FARP2: variants seen among roughly 807,000 people sequenced by gnomAD.
FARP2 encodes the protein FERM, ARHGEF and pleckstrin domain-containing protein 2.
Under a neutral mutation model 130.5 loss-of-function variants are expected in FARP2, and 111 were observed. The observed-to-expected ratio is 0.85, with a 90% CI of 0.73 to 1.00. The LOEUF (loss-of-function observed/expected upper bound fraction) is 1.00. FARP2 is among the 50% of genes least tolerant of loss of function. The pLI is 0.00. For missense variants in FARP2, 1,385 were observed against 1,346.3 expected (o/e 1.03, Z -0.45); for synonymous variants, 504 against 516.9 (o/e 0.98, Z 0.34).
At chr2:241,407,501 G>A (rs765979336) in intron 4 of FARP2, 36 bp from the exon 5 acceptor site, 21 of 1,429,370 alleles carry the variant, frequency 1.5e-5, no homozygotes, top group African/African-American at 7.0e-5. Flanking sequence ...TGCAAAGATC[G>A]GCCTTATTTG....
intron 5 of FARP2, among the ~76,000 whole-genome samples, chr2:241,410,101 C>T (rs1044638369): frequency 3.3e-5 from 5 of 152,196 alleles, no homozygotes; most frequent in Non-Finnish European, 4.4e-5. Flanking sequence ...GAACGTAATT[C>T]ACGCTCAGTA....
rs532568713 is a variant in FARP2, at chr2:241,490,044, G to GGTAA, written c.2504+2_2504+5dup. The GGTAA allele has an allele frequency of 1.6e-5, 26 of 1,611,444 alleles. No individual in the cohort carries two copies. The East Asian group carries it at 5.6e-4, about 35-fold the overall frequency. Reference sequence around the variant, plus strand: ...CAGAAAACAATCGTGGTGGCAGCCAGGTAAGGGTCTTCCATGTCTCCATCC... The same window carrying GGTAA: ...CAGAAAACAATCGTGGTGGCAGCCAGGTAAGTAAGGGTCTTCCATGTCTCCATCC... On this transcript the variant is annotated stop_gained and frameshift_variant and splice_region_variant. Transcript: ENST00000264042. LOFTEE classifies it high-confidence loss of function.
chr2:241,491,450 G>T, intron 23 of FARP2, 66 bp from the exon 24 acceptor site: 4 of 1,573,760 alleles, frequency 2.5e-6, no homozygotes, highest in East Asian at 2.2e-5. Context: ...AACCCAAGGG[G>T]TGGAAGTATT....
At chr2:241,436,201 G>A (rs995498316) in intron 11 of FARP2, among the ~76,000 whole-genome samples, 1 of 151,762 alleles carries the variant, frequency 6.6e-6, no homozygotes, top group Non-Finnish European at 1.5e-5. Flanking sequence ...GAGCCACTGC[G>A]CCCGGCCTAT....
At chr2:241,418,736 G>A (rs1227065758) in intron 8 of FARP2, among the ~76,000 whole-genome samples, 1 of 152,200 alleles carries the variant, frequency 6.6e-6, no homozygotes. Context: ...GCTGGGGTTT[G>A]TGATGTCCAA....
chr2:241,409,994 G>A (rs1399395784), intron 5 of FARP2, among the ~76,000 whole-genome samples: 1 of 152,158 alleles, frequency 6.6e-6, no homozygotes, highest in Admixed American at 6.5e-5. Flanking sequence ...AGAGAATGTG[G>A]TAAATTTTAA....
chr2:241,484,138 C>T (rs1294799262), intron 20 of FARP2, 104 bp from the exon 21 acceptor site: 1 of 1,549,644 alleles, frequency 6.5e-7, no homozygotes, highest in Non-Finnish European at 8.7e-7. Flanking sequence ...CAGCAAGCTG[C>T]ACAGATCTGA....
chr2:241,418,110 G>A lies in FARP2; in HGVS notation c.771+1G>A, dbSNP rs903640809. The A allele has an allele frequency of 1.2e-5, 20 of 1,614,060 alleles. No individual in the cohort carries two copies. The highest frequency in any genetic ancestry group is 1.4e-5 in the Non-Finnish European group (17 of 1,180,046). ...CCACATGGGTGTACTCGTGTTCCAG[G>A]TAGGCCAGTGGGGAAGGGAGGGGTG... On this transcript the variant is annotated splice_donor_variant, in intron 8 of 26. Transcript: ENST00000264042. LOFTEE classifies it high-confidence loss of function.
chr2:241,371,208 G>C (rs564703166), intron 1 of FARP2, among the ~76,000 whole-genome samples: 90 of 152,324 alleles, frequency 5.9e-4, no homozygotes, highest in African/African-American at 2.1e-3. Flanking sequence ...TTCTTTTCTA[G>C]GTGTGGTGGC....
intron 8 of FARP2, among the ~76,000 whole-genome samples, chr2:241,427,452 AG>A (rs1480342419): frequency 6.6e-6 from 1 of 152,204 alleles, no homozygotes; most frequent in Admixed American, 6.5e-5. Flanking sequence ...AGAGCTCGGG[AG>A]ACCAGCCTTA....
chr2:241,466,471 C>A, intron 17 of FARP2: 17 of 985,462 alleles, frequency 1.7e-5, no homozygotes, highest in Non-Finnish European at 2.0e-5. Context: ...CCAGCAGACT[C>A]CTCAGCCAAC....
chr2:241,364,738 T>G (rs1345131687), intron 1 of FARP2, among the ~76,000 whole-genome samples: 1 of 152,234 alleles, frequency 6.6e-6, no homozygotes, highest in Non-Finnish European at 1.5e-5. Context: ...TTACAGTTCT[T>G]TAAATCAGTT....
chr2:241,402,796 T>C (rs1235095169), intron 2 of FARP2, among the ~76,000 whole-genome samples: 1 of 127,918 alleles, frequency 7.8e-6, no homozygotes, highest in South Asian at 2.7e-4. Flanking sequence ...CCTCCTGAGT[T>C]AGCTGGGACT....
At chr2:241,437,432 C>T (rs981530476) in intron 12 of FARP2, among the ~76,000 whole-genome samples, 1 of 152,244 alleles carries the variant, frequency 6.6e-6, no homozygotes, top group Non-Finnish European at 1.5e-5. Flanking sequence ...TGTTAACTTC[C>T]ATATGCAAGC....
At chr2:241,364,834 C>T (rs919815472) in intron 1 of FARP2, among the ~76,000 whole-genome samples, 5 of 152,168 alleles carry the variant, frequency 3.3e-5, no homozygotes, top group African/African-American at 2.4e-5. Flanking sequence ...ATCTTTTCTG[C>T]TCTACATCCT....
chr2:241,425,015 C>G (rs1209979952), intron 8 of FARP2, among the ~76,000 whole-genome samples: 2 of 152,066 alleles, frequency 1.3e-5, no homozygotes, highest in Non-Finnish European at 1.5e-5. Flanking sequence ...CAAGACCAGC[C>G]TGGGGCCAAC....
intron 23 of FARP2, 124 bp downstream of exon 23, chr2:241,491,303 T>C (rs1174173451): frequency 1.1e-6 from 1 of 872,668 alleles, no homozygotes; most frequent in East Asian, 2.4e-5. Flanking sequence ...CCACAAGGAA[T>C]GTTCCAGGCT....
At chr2:241,450,018 AAAG>A (rs1405825804) in intron 13 of FARP2, among the ~76,000 whole-genome samples, 7 of 151,072 alleles carry the variant, frequency 4.6e-5, no homozygotes, top group Non-Finnish European at 8.9e-5. Flanking sequence ...AAAAAAAAAA[AAAG>A]AAAATCATCT....
chr2:241,406,845 T>C (rs1424707035), intron 4 of FARP2, among the ~76,000 whole-genome samples: 4 of 152,188 alleles, frequency 2.6e-5, no homozygotes, highest in Admixed American at 2.6e-4. Context: ...TCTCGCTCTG[T>C]CGCCCAGACT....
Sources: allele counts gnomAD v4.1 joint callset (sites outside exome capture counted in the v4.1 genomes callset), GRCh38; gene constraint gnomAD v4.1.1; transcripts MANE v1.5; gene names NCBI Gene and HGNC (gene_info 2026-07-23, HGNC 2026-07-21).